Variants in TFCP2L1 observed in about 807,000 individuals in gnomAD.
TFCP2L1 encodes the protein transcription factor CP2 like 1.
In TFCP2L1, 12 loss-of-function variants were observed where a neutral mutation model predicts 72.2. That is an observed-to-expected ratio of 0.17 (90% CI 0.11 to 0.27). The LOEUF (loss-of-function observed/expected upper bound fraction) is 0.27. TFCP2L1 is among the 10% of genes least tolerant of loss of function. The pLI, the probability that TFCP2L1 is intolerant of heterozygous loss-of-function variation, is 1.00. For missense variants in TFCP2L1, 488 were observed against 624.6 expected, an observed-to-expected ratio of 0.78 and a Z score of 2.33; for synonymous variants, 260 against 251.0, an observed-to-expected ratio of 1.04 and a Z score of -0.34.
At chr2:121,242,524 C>G in intron 6 of TFCP2L1, 55 bp from the exon 7 acceptor site, 1 of 1,558,432 alleles carries the variant, frequency 6.4e-7, no homozygotes, top group Non-Finnish European at 8.8e-7. Flanking sequence ...GCAGCAGCCC[C>G]CAAGCCCTCT....
chr2:121,259,307 T>C (rs1686786995), intron 2 of TFCP2L1, among the ~76,000 whole-genome samples: 1 of 152,002 alleles, frequency 6.6e-6, no homozygotes, highest in Non-Finnish European at 1.5e-5. Context: ...GATCATGTTG[T>C]CTGCAACTAA....
chr2:121,270,433 C>A (rs1687023160), intron 2 of TFCP2L1, among the ~76,000 whole-genome samples: 1 of 152,218 alleles, frequency 6.6e-6, no homozygotes, highest in South Asian at 2.1e-4. Flanking sequence ...GCAGTACCTA[C>A]CAAAATGTCA....
chr2:121,248,634 G>A (rs1283757848), intron 4 of TFCP2L1, among the ~76,000 whole-genome samples: 2 of 152,176 alleles, frequency 1.3e-5, no homozygotes, highest in African/African-American at 4.8e-5. Context: ...GCCAGTCCCT[G>A]AGGCCCCAGA....
At chr2:121,241,096 T>C (rs1686357372) in intron 7 of TFCP2L1, among the ~76,000 whole-genome samples, 1 of 152,164 alleles carries the variant, frequency 6.6e-6, no homozygotes, top group African/African-American at 2.4e-5. Flanking sequence ...AATTATTCAA[T>C]GAACAAACAC....
rs1385754213 is a variant in TFCP2L1, at chr2:121,249,017, C to T, written c.362G>A (p.Arg121Gln). 3.7e-6 allele frequency: 6 copies of T among 1,603,708 alleles called. No individual in the cohort carries two copies. Among genetic ancestry groups the T allele is most frequent in the South Asian group, 1.1e-5 (1 of 88,734 alleles). ...GATCCGGTCCCCTGGCCGACTCCAC[C>T]GCCAGCCCTCCAGCTGCTGGTGCTC... is the stretch of plus-strand genomic sequence containing the variant. ...YTEHQQLEGW[R>Q]WSRPGDRILD... is the part of the protein sequence containing the mutation. Residue 121 changes from arginine to glutamine, a missense_variant, in exon 4 of 15, where the codon CGG becomes CAG. Physicochemically the swap from Arg to Gln is conservative, Grantham distance 43. This residue lies in a region of TFCP2L1 where 129 missense variants were observed against 236.0 expected (regional missense o/e 0.55). Coordinates refer to ENST00000263707, the MANE Select transcript of TFCP2L1 (RefSeq NM_014553.3).
chr2:121,278,122 C>T (rs1425858908), intron 2 of TFCP2L1, among the ~76,000 whole-genome samples: 45 of 148,440 alleles, frequency 3.0e-4, no homozygotes, highest in African/African-American at 1.0e-3. Flanking sequence ...CTGCAAGCTC[C>T]GCTTCCCGGG....
At chr2:121,249,825 G>C (rs1162958279) in intron 2 of TFCP2L1, among the ~76,000 whole-genome samples, 178 bp from the exon 3 acceptor site, 2 of 152,214 alleles carry the variant, frequency 1.3e-5, no homozygotes, top group East Asian at 3.8e-4. Context: ...ACATCAGTCT[G>C]TCCACCCCGC....
chr2:121,234,332 T>C lies in TFCP2L1; in HGVS notation c.1095-138A>G, dbSNP rs923381270. On this transcript the variant is annotated intron_variant, in intron 11 of 14. Coordinates refer to ENST00000263707, the MANE Select transcript of TFCP2L1 (RefSeq NM_014553.3). ...CGGTGGTGACGTGGAGTGCCTGTCA[T>C]GGGGTGGTGGATGACCCTCCCAGGT... is the stretch of plus-strand genomic sequence containing the variant. The C allele has an allele frequency of 2.3e-5, 18 of 773,034 alleles. No homozygotes were observed. The Admixed American group carries it at 3.2e-4, about 14-fold the overall frequency. 47.9% of individuals were successfully genotyped at this position (773,034 alleles called of 1,614,324 possible).
chr2:121,231,913 G>T lies in TFCP2L1; in HGVS notation c.1254C>A (p.Ile418=), dbSNP rs2304667. 1.3e-3 allele frequency: 2,139 copies of T among 1,612,780 alleles called. 7 individuals are homozygous for T. The highest frequency in any genetic ancestry group is 1.6e-3 in the Non-Finnish European group (1,887 of 1,179,258). The change falls in exon 13 of 15, where the codon ATC becomes ATA. Residue 418 remains isoleucine (I), a synonymous_variant. Coordinates refer to ENST00000263707, the MANE Select transcript of TFCP2L1 (RefSeq NM_014553.3). ...ELTTLELIEK[I]ANLYSISPQH... ...GGGGGGAGATGCTGTACAGGTTGGC[G>T]ATCTTCTCAATCAGCTCCAAGGTGG...
intron 2 of TFCP2L1, among the ~76,000 whole-genome samples, chr2:121,278,029 C>CT (rs530823906): frequency 0.012 from 1,456 of 122,704 alleles, 9 homozygotes; most frequent in South Asian, 0.033. Flanking sequence ...CTTTTTCTCT[C>CT]TTTTTTTTTT....
chr2:121,285,192 G>A lies in TFCP2L1; in HGVS notation c.-83C>T, dbSNP rs1032521167. ...GCCGAGGACCCAGCGGCGGCTTCGC[G>A]CTCCGAACCCGCGGTGCCGGCCGGC... is the stretch of plus-strand genomic sequence containing the variant. On this transcript the variant is annotated 5_prime_UTR_variant, in exon 1 of 15. Coordinates refer to ENST00000263707, the MANE Select transcript of TFCP2L1 (RefSeq NM_014553.3). The A allele has an allele frequency of 1.1e-5, 13 of 1,223,762 alleles. No homozygotes were observed. In the East Asian group the frequency reaches 2.0e-4, roughly 19 times the overall value. The allele number at this position is 1,223,762 out of a possible 1,614,324, so 75.8% of individuals were successfully genotyped here. A position where few individuals can be genotyped will look rare whatever the true frequency, so the allele number is the denominator to read the frequency against.
At position 121,221,207 on chromosome 2, in the gene TFCP2L1, G is replaced by A. The variant is rs1477574108; in HGVS notation, c.*3134C>T. The A allele has an allele frequency of 6.6e-6, 1 of 152,148 alleles. No individual in the cohort carries two copies. The highest frequency in any genetic ancestry group is 1.9e-4 in the East Asian group (1 of 5,182). The allele number at this position is 152,148 out of a possible 1,614,324, so 9.4% of individuals were successfully genotyped here. ...CTTCTAGGTGATTCAGTTTCCTCAT[G>A]ACTCATAACAGGAAATCATTGGTCT... On this transcript the variant is annotated 3_prime_UTR_variant, in exon 15 of 15. Transcript: ENST00000263707.
rs184626678 is a variant in TFCP2L1 at position 121,276,494 on chromosome 2, G to A, written c.214+4626C>T. On this transcript the variant is annotated intron_variant, in intron 2 of 14. Coordinates refer to ENST00000263707, the MANE Select transcript of TFCP2L1 (RefSeq NM_014553.3). ...CCAAAATTACAAAAATTAGCCGGGT[G>A]TGGTGGCGCACAACTGTAGTCCCAG... 5.8e-3 allele frequency among the ~76,000 whole-genome samples: 887 copies of A among 152,108 alleles called. 10 individuals carry two copies. Among genetic ancestry groups the A allele is most frequent in the Middle Eastern group, 0.01 (3 of 294 alleles).
rs1250923513 is a variant in TFCP2L1 at position 121,219,622 on chromosome 2, A to G, written c.*4719T>C. 3.3e-5 allele frequency: 5 copies of G among 152,234 alleles called. No homozygotes were observed. The highest frequency in any genetic ancestry group is 6.5e-5 in the Admixed American group (1 of 15,282). 9.4% of individuals were successfully genotyped at this position (152,234 alleles called of 1,614,324 possible). On this transcript the variant is annotated 3_prime_UTR_variant, in exon 15 of 15. Coordinates refer to ENST00000263707, the MANE Select transcript of TFCP2L1 (RefSeq NM_014553.3). ...CGTAAAGGTCTCCTGCCTGTTGTGC[A>G]ATTTTCAAAGATTTTTTATTTTCAA...
chr2:121,232,746 C>T (rs776890832), intron 12 of TFCP2L1, among the ~76,000 whole-genome samples: 2 of 152,192 alleles, frequency 1.3e-5, no homozygotes, highest in East Asian at 1.9e-4. Flanking sequence ...ACAAACCATA[C>T]TCAGCCTCAA....
intron 2 of TFCP2L1, among the ~76,000 whole-genome samples, chr2:121,255,231 C>T (rs1573380691): frequency 1.3e-5 from 2 of 152,108 alleles, no homozygotes; most frequent in South Asian, 2.1e-4. Context: ...TAAAGTGTGC[C>T]GAATGTTGTA....
intron 2 of TFCP2L1, among the ~76,000 whole-genome samples, chr2:121,274,824 C>T (rs1687113452): frequency 6.6e-6 from 1 of 151,954 alleles, no homozygotes. Context: ...ACATGTTTAT[C>T]CCAGCTACTT....
chr2:121,280,341 T>C (rs1356493861), intron 2 of TFCP2L1, among the ~76,000 whole-genome samples: 1 of 152,170 alleles, frequency 6.6e-6, no homozygotes, highest in Admixed American at 6.5e-5. Context: ...GATGGAACCC[T>C]GCTCCGGTGC....
intron 2 of TFCP2L1, among the ~76,000 whole-genome samples, chr2:121,254,549 G>A (rs1449428158): frequency 6.6e-6 from 1 of 152,112 alleles, no homozygotes; most frequent in Non-Finnish European, 1.5e-5. Flanking sequence ...AGGGATTTTT[G>A]GCCTTTGGGA....
Sources: gnomAD v4.1 joint callset for allele counts (sites outside exome capture counted in the v4.1 genomes callset) on GRCh38, gnomAD v4.1.1 for gene constraint, gnomAD v4.1.1 regional missense constraint, MANE v1.5 for transcripts, NCBI Gene and HGNC (gene_info 2026-07-23, HGNC 2026-07-21) for gene names.